PAX7: variants seen among roughly 807,000 people sequenced by gnomAD.
The protein encoded by PAX7 is paired box 7.
Under a neutral mutation model 50.7 loss-of-function variants are expected in PAX7, and 18 were observed. The ratio of observed to expected loss-of-function variants is 0.36; its 90% CI spans 0.25 to 0.53. The LOEUF (loss-of-function observed/expected upper bound fraction) is 0.53. Among genes scored for constraint, PAX7 ranks in the 20% least tolerant of loss-of-function variants. The pLI is 0.93. For missense variants in PAX7, 644 were observed against 702.9 expected, an observed-to-expected ratio of 0.92 and a Z score of 0.95; for synonymous variants, 310 against 290.4, an observed-to-expected ratio of 1.07 and a Z score of -0.69.
rs1235983730 is a variant in PAX7 at position 18,746,284 on chromosome 1, C to T, written c.*1355C>T. The T allele has an allele frequency of 1.3e-5, 3 of 229,972 alleles. No homozygotes were observed. The highest frequency in any genetic ancestry group is 2.2e-5 in the African/African-American group (1 of 45,144). 14.2% of individuals were successfully genotyped at this position (229,972 alleles called of 1,614,324 possible). A position where few individuals can be genotyped will look rare whatever the true frequency, so the allele number is the denominator to read the frequency against. ...CACAGCTGAGCTGAGGCAGATGTGA[C>T]CAGTTTTCAAGCTACCAGCCCTGGG... On this transcript the variant is annotated 3_prime_UTR_variant, in exon 9 of 9. Transcript: ENST00000420770.
At chr1:18,699,645 C>G (rs1001567926) in intron 5 of PAX7, among the ~76,000 whole-genome samples, 1 of 151,620 alleles carries the variant, frequency 6.6e-6, no homozygotes, top group Admixed American at 6.6e-5. Flanking sequence ...ACTGCAAGCT[C>G]TGCCTCCCGG....
chr1:18,649,875 T>G (rs1268558243), intron 4 of PAX7, among the ~76,000 whole-genome samples: 3 of 152,346 alleles, frequency 2.0e-5, no homozygotes, highest in East Asian at 1.9e-4. Context: ...AGCCGCTTCA[T>G]GTCTCTGGCC....
chr1:18,631,818 C>T (rs1281830128), intron 1 of PAX7, 130 bp downstream of exon 1: 4 of 754,532 alleles, frequency 5.3e-6, no homozygotes, highest in Non-Finnish European at 8.8e-6. Context: ...CTTCTGGGTC[C>T]CAGTCCGGGC....
In PAX7 at chr1:18,726,352, T is replaced by C. The variant is rs1173954922; in HGVS notation, c.1156-9280T>C. Among the ~76,000 whole-genome samples the C allele has an allele frequency of 2.0e-5, 3 of 152,224 alleles. No individual in the cohort carries two copies. The highest frequency in any genetic ancestry group is 2.0e-4 in the Admixed American group (3 of 15,282). ...GCAATATGTCCCCTCAATTTATTCT[T>C]TTCCTCCAACCAACTCTGTGCTAGA... is the stretch of plus-strand genomic sequence containing the variant. On this transcript the variant is annotated intron_variant, in intron 7 of 8. Coordinates refer to ENST00000420770, the MANE Select transcript of PAX7 (RefSeq NM_001135254.2). This position sits in a 1 kb window ranked among gnomAD's most constrained non-coding sequence, Gnocchi z 4.8.
intron 6 of PAX7, among the ~76,000 whole-genome samples, chr1:18,701,312 G>A (rs1325986573): frequency 6.6e-6 from 1 of 152,130 alleles, no homozygotes; most frequent in Non-Finnish European, 1.5e-5. Flanking sequence ...GTACAAATGT[G>A]CGTGTGAGTG....
At chr1:18,688,626 C>T (rs2100288333) in intron 4 of PAX7, among the ~76,000 whole-genome samples, 1 of 152,274 alleles carries the variant, frequency 6.6e-6, no homozygotes, top group East Asian at 1.9e-4. Flanking sequence ...CCAGGCCAGG[C>T]ATGGTGGCTC....
chr1:18,677,287 C>T (rs973914942), intron 4 of PAX7, among the ~76,000 whole-genome samples: 4 of 152,216 alleles, frequency 2.6e-5, no homozygotes, highest in Non-Finnish European at 5.9e-5. Context: ...ATTACAGCAA[C>T]TGCCCCAGTG....
At chr1:18,741,463 A>AAAAGAAAG (rs71027395) in intron 8 of PAX7, among the ~76,000 whole-genome samples, 50 of 149,492 alleles carry the variant, frequency 3.3e-4, no homozygotes, top group Admixed American at 1.1e-3. Context: ...AAGAAAAAAA[A>AAAAGAAAG]AAAGAAAGAA....
rs1182743967 is a variant in PAX7, at chr1:18,748,458, T to C, written c.*3529T>C. The C allele has an allele frequency of 8.6e-6, 2 of 231,912 alleles. No individual in the cohort carries two copies. Among genetic ancestry groups the C allele is most frequent in the African/African-American group, 4.4e-5 (2 of 45,252 alleles). 14.4% of individuals were successfully genotyped at this position (231,912 alleles called of 1,614,324 possible). A position where few individuals can be genotyped will look rare whatever the true frequency, so the allele number is the denominator to read the frequency against. On this transcript the variant is annotated 3_prime_UTR_variant, in exon 9 of 9. Transcript: ENST00000420770. ...CAGAGGCACCAAAACCAAGACCAAA[T>C]GGGGGTTCTCTAGCCGCCAACTTGA...
At chr1:18,639,447 T>G (rs1331254870) in intron 4 of PAX7, among the ~76,000 whole-genome samples, 1 of 151,836 alleles carries the variant, frequency 6.6e-6, no homozygotes, top group Non-Finnish European at 1.5e-5. Context: ...GGATTGTTGG[T>G]GGTGAGTATT....
At chr1:18,653,844 G>A (rs568568166) in intron 4 of PAX7, among the ~76,000 whole-genome samples, 1 of 152,160 alleles carries the variant, frequency 6.6e-6, no homozygotes, top group African/African-American at 2.4e-5. Context: ...CCCCAGGAAA[G>A]GTTTTAGTAA....
At chr1:18,673,873 G>A (rs2100245813) in intron 4 of PAX7, among the ~76,000 whole-genome samples, 1 of 152,340 alleles carries the variant, frequency 6.6e-6, no homozygotes, top group South Asian at 2.1e-4. Flanking sequence ...GCAGAAGGGG[G>A]AATTCGACGG....
At chr1:18,720,297 A>T (rs2089478097) in intron 7 of PAX7, among the ~76,000 whole-genome samples, 1 of 152,194 alleles carries the variant, frequency 6.6e-6, no homozygotes, top group Admixed American at 6.5e-5. Flanking sequence ...AGGACAGAGA[A>T]AGGAAGGGGC....
chr1:18,728,722 G>A (rs1011695528), intron 7 of PAX7, among the ~76,000 whole-genome samples: 15 of 147,958 alleles, frequency 1.0e-4, no homozygotes, highest in South Asian at 6.7e-4. Flanking sequence ...AAAATTAGCC[G>A]GGCTTGGTGG....
In PAX7 at chr1:18,704,505, A is replaced by T. The variant is rs183400506; in HGVS notation, c.1155+1209A>T. 3.0e-3 allele frequency among the ~76,000 whole-genome samples: 463 copies of T among 152,268 alleles called. 5 individuals carry two copies. Among genetic ancestry groups the T allele is most frequent in the African/African-American group, 0.011 (446 of 41,554 alleles). On this transcript the variant is annotated intron_variant, in intron 7 of 8. Coordinates refer to ENST00000420770, the MANE Select transcript of PAX7 (RefSeq NM_001135254.2). Reference sequence around the variant, plus strand: ...CATGATGGCAGGTGCCTGTAATTTCAGCTACTTGGGAGGCTGAGGCGAGAG... The same window carrying T: ...CATGATGGCAGGTGCCTGTAATTTCTGCTACTTGGGAGGCTGAGGCGAGAG...
chr1:18,670,610 C>T (rs1172521962), intron 4 of PAX7, among the ~76,000 whole-genome samples: 1 of 152,160 alleles, frequency 6.6e-6, no homozygotes, highest in Non-Finnish European at 1.5e-5. Context: ...TGACTCAGGG[C>T]CCAGACCTGC....
intron 4 of PAX7, among the ~76,000 whole-genome samples, chr1:18,642,281 T>C (rs2088268417): frequency 6.6e-6 from 1 of 152,118 alleles, no homozygotes; most frequent in African/African-American, 2.4e-5. Context: ...TTCTGTACTG[T>C]GAGGCAAGAG....
At chr1:18,638,310 G>A (rs2088194972) in intron 4 of PAX7, among the ~76,000 whole-genome samples, 1 of 152,202 alleles carries the variant, frequency 6.6e-6, no homozygotes, top group South Asian at 2.1e-4. Flanking sequence ...TGATTCCAGG[G>A]AATGCGGGGC....
At chr1:18,725,302 GCCCC>G (rs3216186) in intron 7 of PAX7, among the ~76,000 whole-genome samples, 2,061 of 106,422 alleles carry the variant, frequency 0.019, 96 homozygotes, top group African/African-American at 0.068. Context: ...AGGTGGAGAC[GCCCC>G]CCCCCCGCCC....
Sources: gnomAD v4.1 joint callset for allele counts (sites outside exome capture counted in the v4.1 genomes callset) on GRCh38, gnomAD v4.1.1 for gene constraint, Gnocchi (gnomAD v3.1) non-coding constraint, MANE v1.5 for transcripts, NCBI Gene and HGNC (gene_info 2026-07-23, HGNC 2026-07-21) for gene names.